Variants in ARHGAP15 observed in about 807,000 individuals in gnomAD.
The protein encoded by ARHGAP15 is rho GTPase-activating protein 15.
In ARHGAP15, 51 loss-of-function variants were observed where a neutral mutation model predicts 63.7. The observed-to-expected ratio is 0.80, with a 90% CI of 0.64 to 1.01. The LOEUF (loss-of-function observed/expected upper bound fraction) is 1.01, where lower values mean the gene tolerates loss of function less well. ARHGAP15 is among the 50% of genes least tolerant of loss of function. The pLI, the probability that ARHGAP15 is intolerant of heterozygous loss-of-function variation, is 0.00. For missense variants in ARHGAP15, 560 were observed against 564.6 expected, an observed-to-expected ratio of 0.99 and a Z score of 0.08; for synonymous variants, 191 against 193.8, an observed-to-expected ratio of 0.99 and a Z score of 0.12.
At chr2:143,215,893 C>A (rs966069709) in intron 3 of ARHGAP15, among the ~76,000 whole-genome samples, 3 of 152,276 alleles carry the variant, frequency 2.0e-5, no homozygotes, top group Admixed American at 6.5e-5. Flanking sequence ...GGTATCTTGG[C>A]AATTGACCAA....
intron 12 of ARHGAP15, among the ~76,000 whole-genome samples, chr2:143,677,943 C>T (rs1559121189): frequency 6.6e-6 from 1 of 152,310 alleles, no homozygotes; most frequent in East Asian, 1.9e-4. Context: ...TGCGGTAGCT[C>T]ATGCCTGTAA....
intron 6 of ARHGAP15, among the ~76,000 whole-genome samples, chr2:143,393,140 A>C (rs1687605406): frequency 6.6e-6 from 1 of 152,126 alleles, no homozygotes; most frequent in Admixed American, 6.5e-5. Context: ...TTGAAGAAAA[A>C]TAAAGTTAAA....
At chr2:143,176,783 C>A (rs1490570813) in intron 2 of ARHGAP15, among the ~76,000 whole-genome samples, 1 of 152,188 alleles carries the variant, frequency 6.6e-6, no homozygotes, top group South Asian at 2.1e-4. Context: ...TTGGCTGGGG[C>A]AGCTCCACTT....
chr2:143,297,396 G>A (rs1682684654), intron 6 of ARHGAP15, among the ~76,000 whole-genome samples: 1 of 151,978 alleles, frequency 6.6e-6, no homozygotes, highest in East Asian at 1.9e-4. Flanking sequence ...CCTTCCTGTA[G>A]CAGCCCACAG....
chr2:143,656,953 G>A (rs1681473783), intron 12 of ARHGAP15, among the ~76,000 whole-genome samples: 1 of 151,542 alleles, frequency 6.6e-6, no homozygotes, highest in African/African-American at 2.4e-5. Context: ...GTGTGTGTGT[G>A]TGTGTGTGTG....
At chr2:143,390,966 T>G (rs945665592) in intron 6 of ARHGAP15, among the ~76,000 whole-genome samples, 1 of 152,200 alleles carries the variant, frequency 6.6e-6, no homozygotes, top group African/African-American at 2.4e-5. Context: ...GCTTTTTACC[T>G]AGGGTTTTAC....
chr2:143,134,125 A>G (rs1289619078), intron 1 of ARHGAP15, among the ~76,000 whole-genome samples: 9 of 31,852 alleles, frequency 2.8e-4, no homozygotes, highest in Non-Finnish European at 8.4e-4. Flanking sequence ...CTATCTATCT[A>G]TCTATCTATC....
intron 6 of ARHGAP15, among the ~76,000 whole-genome samples, chr2:143,307,013 C>T (rs375226985): frequency 6.6e-6 from 1 of 152,178 alleles, no homozygotes; most frequent in East Asian, 1.9e-4. Context: ...TCAGGGTCCT[C>T]GTCCAAACTC....
chr2:143,648,130 A>G (rs1466048205), intron 12 of ARHGAP15, among the ~76,000 whole-genome samples: 1 of 152,068 alleles, frequency 6.6e-6, no homozygotes. Context: ...TGAGGTTTTC[A>G]AACAAAAGTA....
intron 6 of ARHGAP15, among the ~76,000 whole-genome samples, chr2:143,390,008 T>TA (rs140037498): frequency 0.08 from 10,876 of 135,302 alleles, 545 homozygotes; most frequent in South Asian, 0.23. Context: ...AGTCCTTTAT[T>TA]AAAAAAAAAA....
intron 11 of ARHGAP15, among the ~76,000 whole-genome samples, chr2:143,572,931 T>A (rs1444283645): frequency 3.9e-5 from 6 of 152,144 alleles, no homozygotes; most frequent in African/African-American, 9.7e-5. Flanking sequence ...GCTAGATAAA[T>A]TCAAATCTCT....
At chr2:143,336,276 G>C (rs542724921) in intron 6 of ARHGAP15, among the ~76,000 whole-genome samples, 39 of 152,192 alleles carry the variant, frequency 2.6e-4, no homozygotes, top group African/African-American at 8.9e-4. Context: ...GGGCAATAGA[G>C]GAAACCACTG....
intron 6 of ARHGAP15, among the ~76,000 whole-genome samples, chr2:143,300,128 A>G (rs1199558214): frequency 6.6e-6 from 1 of 152,030 alleles, no homozygotes; most frequent in East Asian, 1.9e-4. Context: ...AGGGGCATAA[A>G]GTCTGGGAAC....
At chr2:143,700,738 G>T (rs1049509208) in intron 12 of ARHGAP15, among the ~76,000 whole-genome samples, 1 of 152,166 alleles carries the variant, frequency 6.6e-6, no homozygotes, top group African/African-American at 2.4e-5. Context: ...AATTATGGTT[G>T]TGTGGTATTA....
chr2:143,502,825 C>T (rs1693127766), intron 9 of ARHGAP15, among the ~76,000 whole-genome samples: 1 of 152,096 alleles, frequency 6.6e-6, no homozygotes, highest in African/African-American at 2.4e-5. Context: ...AGTGATCCAC[C>T]CACCTCAACC....
At chr2:143,330,368 T>C (rs529947530) in intron 6 of ARHGAP15, among the ~76,000 whole-genome samples, 1 of 151,972 alleles carries the variant, frequency 6.6e-6, no homozygotes, top group Non-Finnish European at 1.5e-5. Context: ...AATTTTAATA[T>C]ACAAAACAAA....
intron 8 of ARHGAP15, among the ~76,000 whole-genome samples, chr2:143,450,102 CTTT>C (rs200169659): frequency 1.8e-5 from 2 of 110,718 alleles, no homozygotes; most frequent in African/African-American, 3.2e-5. Context: ...CATAATTAAT[CTTT>C]TTTTTTTTTT....
intron 11 of ARHGAP15, among the ~76,000 whole-genome samples, chr2:143,609,398 C>G (rs2105212941): frequency 6.6e-6 from 1 of 152,224 alleles, no homozygotes; most frequent in Admixed American, 6.5e-5. Flanking sequence ...AATTTCCATG[C>G]TTTTGTGAGT....
intron 12 of ARHGAP15, among the ~76,000 whole-genome samples, chr2:143,702,103 A>C (rs754566060): frequency 1.3e-5 from 2 of 152,146 alleles, no homozygotes. Flanking sequence ...TTTGCCTTAC[A>C]TATTAGTCTT....
Sources: allele counts gnomAD v4.1 joint callset (sites outside exome capture counted in the v4.1 genomes callset), GRCh38; gene constraint gnomAD v4.1.1; transcripts MANE v1.5; gene names NCBI Gene and HGNC (gene_info 2026-07-23, HGNC 2026-07-21).